The following TXLNG variants were observed in gnomAD, a reference collection of about 807,000 sequenced individuals.
The protein encoded by TXLNG is gamma-taxilin.
TXLNG carries 5 observed loss-of-function variants against 38.8 expected under a neutral mutation model. The ratio of observed to expected loss-of-function variants is 0.13; its 90% CI spans 0.07 to 0.27. The LOEUF is 0.27. Among genes scored for constraint, TXLNG ranks in the 10% least tolerant of loss-of-function variants. The pLI is 1.00. For synonymous variants in TXLNG, 182 were observed against 158.2 expected (o/e 1.15, Z -1.13); for missense variants, 393 against 398.2 (o/e 0.99, Z 0.11).
At chrX:16,793,041 G>T (rs2147458688) in intron 1 of TXLNG, among the ~76,000 whole-genome samples, 1 of 108,348 alleles carries the variant, frequency 9.2e-6, no homozygotes, top group African/African-American at 3.4e-5. Context: ...ATGTTGCTGT[G>T]AGCCAAGATC....
rs1929862130 is a variant in TXLNG, at chrX:16,841,933, AAT to A, written c.*169_*170del. 7.5e-6 allele frequency: 4 copies of A among 536,039 alleles called. No individual in the cohort carries two copies. In the East Asian group the frequency reaches 1.5e-4, roughly 20 times the overall value. 44.2% of individuals were successfully genotyped at this position (536,039 alleles called of 1,213,427 possible). ...TACAGGAGGCTGCTTAGCAGTTTTG[AAT>A]AGTTTAATCTATAAATTTTCCTCAG... On this transcript the variant is annotated 3_prime_UTR_variant, in exon 10 of 10. Transcript: ENST00000380122.
chrX:16,817,530 T>G (rs1198417308), intron 1 of TXLNG, among the ~76,000 whole-genome samples: 2 of 112,094 alleles, frequency 1.8e-5, no homozygotes, highest in African/African-American at 6.5e-5. Flanking sequence ...CTTTTGTCCA[T>G]TTGTGATAAG....
chrX:16,812,552 C>G (rs1602375270), intron 1 of TXLNG, among the ~76,000 whole-genome samples: 1 of 107,386 alleles, frequency 9.3e-6, no homozygotes, highest in Admixed American at 1.0e-4. Flanking sequence ...TGCCATCATG[C>G]CCGGCTAATG....
chrX:16,830,871 G>GTGTGTGTGTGTGTGTA (rs1237953784), intron 5 of TXLNG, among the ~76,000 whole-genome samples: 1 of 98,894 alleles, frequency 1.0e-5, no homozygotes, highest in African/African-American at 3.8e-5. Flanking sequence ...GTGTGTGTGT[G>GTGTGTGTGTGTGTGTA]TGTGTGTGTG....
chrX:16,811,480 C>A (rs143017111), intron 1 of TXLNG, among the ~76,000 whole-genome samples: 1,123 of 110,884 alleles, frequency 0.01, 13 homozygotes, highest in African/African-American at 0.036. Context: ...CCTCAGCCTC[C>A]CGAGTAGCAG....
rs774424178 is a variant in TXLNG at position 16,832,729 on chromosome X, G to A, written c.971G>A (p.Arg324Lys). 3 of 1,194,952 alleles carry A rather than the reference G, an allele frequency of 2.5e-6. No homozygotes were observed. In the South Asian group the frequency reaches 5.5e-5, roughly 22 times the overall value. ...AAAGAAGCTGATGAAAAACATCAGA[G>A]AGAGAGAGAGTTTGTAAGTTCTACT... ...LIKEADEKHQ[R>K]EREFLLKEAT... The change falls in exon 6 of 10, where the codon AGA (arginine) becomes AAA (lysine). Residue 324 changes from arginine to lysine, a missense_variant. Transcript: ENST00000380122.
At chrX:16,810,833 A>G (rs1182395045) in intron 1 of TXLNG, among the ~76,000 whole-genome samples, 2 of 110,860 alleles carry the variant, frequency 1.8e-5, no homozygotes, top group African/African-American at 6.6e-5. Flanking sequence ...GGCACGTGCC[A>G]CCATGCCCAG....
intron 9 of TXLNG, 160 bp downstream of exon 9, chrX:16,840,076 T>A (rs1002504932): frequency 2.6e-6 from 1 of 384,343 alleles, no homozygotes; most frequent in African/African-American, 2.6e-5. Flanking sequence ...CTGGGTAGAA[T>A]CTGTGACTTC....
chrX:16,820,390 G>T, intron 3 of TXLNG, 135 bp downstream of exon 3: 1 of 501,929 alleles, frequency 2.0e-6, no homozygotes, highest in Non-Finnish European at 3.2e-6. Context: ...TTGAAGAAGA[G>T]AATCTGTTTT....
At chrX:16,822,285 G>T (rs1929002624) in intron 3 of TXLNG, among the ~76,000 whole-genome samples, 1 of 109,450 alleles carries the variant, frequency 9.1e-6, no homozygotes, top group African/African-American at 3.3e-5. Context: ...AGCTTGCAGT[G>T]AACTGAGATT....
At chrX:16,839,647 T>TC (rs1256714705) in intron 8 of TXLNG, among the ~76,000 whole-genome samples, 174 bp from the exon 9 acceptor site, 2 of 111,261 alleles carry the variant, frequency 1.8e-5, no homozygotes, top group African/African-American at 6.5e-5. Flanking sequence ...AGATAAGCTC[T>TC]GCTACCGACA....
chrX:16,840,125 G>A, intron 9 of TXLNG: 1 of 330,033 alleles, frequency 3.0e-6, no homozygotes, highest in East Asian at 4.7e-5. Flanking sequence ...CCCTGAGTGA[G>A]GGGCTGAGCT....
intron 1 of TXLNG, among the ~76,000 whole-genome samples, chrX:16,793,304 G>A (rs1927767590): frequency 9.0e-6 from 1 of 110,797 alleles, no homozygotes; most frequent in Non-Finnish European, 1.9e-5. Flanking sequence ...ATTACTTGAA[G>A]GAAAAGATAC....
At chrX:16,827,334 A>G (rs1929206377) in intron 3 of TXLNG, among the ~76,000 whole-genome samples, 1 of 112,069 alleles carries the variant, frequency 8.9e-6, no homozygotes, top group Non-Finnish European at 1.9e-5. Context: ...TCACCCAGCA[A>G]ACAGCAATTC....
At chrX:16,794,384 T>C (rs1927805609) in intron 1 of TXLNG, among the ~76,000 whole-genome samples, 1 of 111,868 alleles carries the variant, frequency 8.9e-6, no homozygotes, top group Admixed American at 9.6e-5. Flanking sequence ...GTTTTGAGCC[T>C]CTTAATATCT....
chrX:16,790,556 A>T (rs749967423), intron 1 of TXLNG, among the ~76,000 whole-genome samples: 1 of 110,456 alleles, frequency 9.1e-6, no homozygotes, highest in African/African-American at 3.3e-5. Flanking sequence ...TAAGGTTGGT[A>T]TTTTTTTTCT....
In TXLNG at chrX:16,841,758, G is replaced by C; in HGVS notation, c.1579G>C (p.Val527Leu). ...STGSAPAIES[V>L]D is the part of the protein sequence containing the mutation. Reference sequence around the variant, plus strand: ...AGGCTCTGCTCCGGCCATCGAGTCGGTTGACTAAGATGAGGTGTGATCACT... The same window carrying C: ...AGGCTCTGCTCCGGCCATCGAGTCGCTTGACTAAGATGAGGTGTGATCACT... Residue 527 changes from valine to leucine, a missense_variant, in exon 10 of 10, where the codon GTT becomes CTT. Val to Leu is a conservative substitution (Grantham distance 32). Coordinates refer to ENST00000380122, the MANE Select transcript of TXLNG (RefSeq NM_018360.3). 1 of 1,208,889 alleles carries C rather than the reference G, an allele frequency of 8.3e-7. No individual in the cohort carries two copies.
chrX:16,841,858 T>G lies in TXLNG; in HGVS notation c.*92T>G. The G allele has an allele frequency of 1.1e-6, 1 of 948,625 alleles. No homozygotes were observed. The highest frequency in any genetic ancestry group is 1.5e-6 in the Non-Finnish European group (1 of 688,878). The allele number at this position is 948,625 out of a possible 1,213,427, so 78.2% of individuals were successfully genotyped here. A position where few individuals can be genotyped will look rare whatever the true frequency, so the allele number is the denominator to read the frequency against. Reference sequence around the variant, plus strand: ...ATTGGTTTTGTGGTGAAAATTTTCTTACTTTTTCTACCATATCTGTATTTT... The same window carrying G: ...ATTGGTTTTGTGGTGAAAATTTTCTGACTTTTTCTACCATATCTGTATTTT... On this transcript the variant is annotated 3_prime_UTR_variant, in exon 10 of 10. Transcript: ENST00000380122.
intron 3 of TXLNG, among the ~76,000 whole-genome samples, chrX:16,826,371 G>A (rs957801330): frequency 2.7e-5 from 3 of 112,178 alleles, no homozygotes; most frequent in Non-Finnish European, 5.6e-5. Context: ...GCCACAAGAT[G>A]TCACTCTTGC....
Sources: gnomAD v4.1 joint callset for allele counts (sites outside exome capture counted in the v4.1 genomes callset) on GRCh38, gnomAD v4.1.1 for gene constraint, MANE v1.5 for transcripts, NCBI Gene and HGNC (gene_info 2026-07-23, HGNC 2026-07-21) for gene names.